EMB: variants seen among roughly 807,000 people sequenced by gnomAD.
The protein encoded by EMB is embigin.
A neutral mutation model predicts 41.4 loss-of-function variants in EMB; 31 were observed. The ratio of observed to expected loss-of-function variants is 0.75; its 90% CI spans 0.56 to 1.01. The LOEUF is 1.01. Ranked by LOEUF, EMB falls within the 50% of genes least tolerant of loss-of-function variation. The probability of loss-of-function intolerance (pLI) is 0.00; values close to 1 mark genes in which losing one functional copy is unlikely to be tolerated. For synonymous variants in EMB, 137 were observed against 140.4 expected, an observed-to-expected ratio of 0.98 and a Z score of 0.17; for missense variants, 379 against 388.3, an observed-to-expected ratio of 0.98 and a Z score of 0.20.
At chr5:50,438,932 T>C (rs1445703286) in intron 1 of EMB, among the ~76,000 whole-genome samples, 1 of 151,520 alleles carries the variant, frequency 6.6e-6, no homozygotes, top group African/African-American at 2.4e-5. Context: ...TTAGAGATCT[T>C]CTCTGCATAT....
At chr5:50,442,299 T>C (rs1259073364), upstream of EMB, among the ~76,000 whole-genome samples, 1 of 152,184 alleles carries the variant, frequency 6.6e-6, no homozygotes, top group Non-Finnish European at 1.5e-5. Flanking sequence ...AATGGTTAAT[T>C]TGTAATTGGT....
At chr5:50,440,540 A>G (rs1430572294) in intron 1 of EMB, among the ~76,000 whole-genome samples, 1 of 122,826 alleles carries the variant, frequency 8.1e-6, no homozygotes, top group South Asian at 2.7e-4. Context: ...TCTCAAAAAA[A>G]AAAAAAAAAA....
At chr5:50,406,630 T>C (rs909484882) in intron 4 of EMB, among the ~76,000 whole-genome samples, 2 of 151,990 alleles carry the variant, frequency 1.3e-5, no homozygotes, top group Admixed American at 6.6e-5. Flanking sequence ...CTGATTGACC[T>C]TTAAAGATGT....
At chr5:50,436,542 TCCA>T (rs2111870878) in intron 1 of EMB, among the ~76,000 whole-genome samples, 1 of 152,318 alleles carries the variant, frequency 6.6e-6, no homozygotes, top group African/African-American at 2.4e-5. Flanking sequence ...CATGCTTTCC[TCCA>T]CATCTTGTTT....
chr5:50,438,677 A>G (rs1745845732), intron 1 of EMB, among the ~76,000 whole-genome samples: 1 of 152,128 alleles, frequency 6.6e-6, no homozygotes, highest in African/African-American at 2.4e-5. Flanking sequence ...TTTCCCAGAG[A>G]TCAATACCGA....
At chr5:50,422,331 T>C (rs1175029810) in intron 2 of EMB, among the ~76,000 whole-genome samples, 2 of 152,344 alleles carry the variant, frequency 1.3e-5, no homozygotes, top group Admixed American at 1.3e-4. Flanking sequence ...GTGTAGGTGT[T>C]ATTCGATGAA....
chr5:50,420,244 C>A (rs1164327297), intron 2 of EMB, among the ~76,000 whole-genome samples: 2 of 152,114 alleles, frequency 1.3e-5, no homozygotes, highest in East Asian at 1.9e-4. Context: ...CAAGTCTCAG[C>A]ACACACCAGA....
chr5:50,405,104 C>G (rs1220056756), intron 5 of EMB, among the ~76,000 whole-genome samples: 1 of 151,788 alleles, frequency 6.6e-6, no homozygotes, highest in Non-Finnish European at 1.5e-5. Flanking sequence ...GAAAGGAAAC[C>G]AGAAATTATT....
chr5:50,411,507 A>C, intron 2 of EMB, 124 bp from the exon 3 acceptor site: 1 of 670,972 alleles, frequency 1.5e-6, no homozygotes, highest in Non-Finnish European at 2.4e-6. Flanking sequence ...TCATTTGAAG[A>C]ATTATTCCTC....
chr5:50,414,450 C>T (rs1475772212), intron 2 of EMB, among the ~76,000 whole-genome samples: 8 of 143,908 alleles, frequency 5.6e-5, no homozygotes, highest in Non-Finnish European at 1.2e-4. Context: ...CTCTTGAGCC[C>T]GAGAGTTGAG....
Position 50,402,293 on chromosome 5 carries a change from C to CA in EMB, c.903dup (p.Glu302Ter), listed in dbSNP as rs1251201353. The stretch of plus-strand genomic sequence containing the variant: ...GTAAAAAATAATACTTACAGCTGTT[C>CA]AATCTGCTCAAATTCTTTCCCCTCA... On this transcript the variant is annotated frameshift_variant, in exon 7 of 9. Transcript: ENST00000303221. LOFTEE classifies it high-confidence loss of function. 1 of 1,609,710 alleles carries CA rather than the reference C, an allele frequency of 6.2e-7. No individual in the cohort carries two copies.
intron 2 of EMB, among the ~76,000 whole-genome samples, chr5:50,421,599 T>A (rs1413254533): frequency 1.3e-5 from 2 of 152,068 alleles, no homozygotes; most frequent in Admixed American, 1.3e-4. Context: ...TGCACACGTA[T>A]GTTTATTGTG....
chr5:50,424,438 T>G (rs1238405497), intron 2 of EMB, among the ~76,000 whole-genome samples: 7 of 152,146 alleles, frequency 4.6e-5, no homozygotes, highest in African/African-American at 1.4e-4. Context: ...ACTCCATTCT[T>G]AGAGAGAGGA....
intron 2 of EMB, among the ~76,000 whole-genome samples, chr5:50,417,743 C>T (rs1218807962): frequency 6.6e-6 from 1 of 152,136 alleles, no homozygotes; most frequent in African/African-American, 2.4e-5. Context: ...TGAGCTGAGC[C>T]TATTTTCAAA....
At chr5:50,401,341 T>G (rs1299822551) in intron 7 of EMB, among the ~76,000 whole-genome samples, 3 of 152,042 alleles carry the variant, frequency 2.0e-5, no homozygotes, top group Non-Finnish European at 4.4e-5. Context: ...ATGACAACTG[T>G]CTGCTCCACT....
intron 2 of EMB, among the ~76,000 whole-genome samples, chr5:50,423,250 A>G (rs1260735977): frequency 6.6e-6 from 1 of 152,194 alleles, no homozygotes; most frequent in East Asian, 1.9e-4. Flanking sequence ...GGATGCACAC[A>G]TGCACACACA....
upstream of EMB, chr5:50,441,395 G>C (rs1745911542): frequency 3.1e-6 from 1 of 327,840 alleles, no homozygotes; most frequent in Non-Finnish European, 5.5e-6. Context: ...TGGCGTTCCC[G>C]GATGTGCGGT....
chr5:50,432,343 A>C (rs1745733326), intron 1 of EMB, among the ~76,000 whole-genome samples: 1 of 152,212 alleles, frequency 6.6e-6, no homozygotes, highest in Non-Finnish European at 1.5e-5. Context: ...GATTGCTATC[A>C]ACATGCAGTA....
intron 1 of EMB, among the ~76,000 whole-genome samples, chr5:50,429,806 C>T (rs1044448784): frequency 3.9e-5 from 6 of 152,048 alleles, no homozygotes; most frequent in African/African-American, 1.2e-4. Context: ...AAAACCTTTC[C>T]TCCAGTCACA....
Sources: gnomAD v4.1 joint callset for allele counts (sites outside exome capture counted in the v4.1 genomes callset) on GRCh38, gnomAD v4.1.1 for gene constraint, MANE v1.5 for transcripts, NCBI Gene and HGNC (gene_info 2026-07-23, HGNC 2026-07-21) for gene names.